The following ME3 variants were observed in gnomAD, a reference collection of about 807,000 sequenced individuals.
ME3 encodes NADP-dependent malic enzyme, mitochondrial.
In ME3, 48 loss-of-function variants were observed where a neutral mutation model predicts 68.9. The observed-to-expected ratio is 0.70, with a 90% CI of 0.55 to 0.89. ME3 has a LOEUF of 0.89. Ranked by LOEUF, ME3 falls within the 40% of genes least tolerant of loss-of-function variation. ME3 has a pLI of 0.00. For synonymous variants in ME3, 320 were observed against 318.8 expected (o/e 1.00, Z -0.04); for missense variants, 675 against 797.4 (o/e 0.85, Z 1.85).
chr11:86,559,101 T>C (rs1049046200), intron 3 of ME3, among the ~76,000 whole-genome samples: 9 of 152,202 alleles, frequency 5.9e-5, no homozygotes, highest in Non-Finnish European at 8.8e-5. Flanking sequence ...GCTGATAAAG[T>C]TGACCCTGTG....
intron 2 of ME3, among the ~76,000 whole-genome samples, chr11:86,565,075 A>G (rs1033307497): frequency 1.1e-4 from 17 of 152,220 alleles, no homozygotes; most frequent in African/African-American, 3.9e-4. Context: ...CCAATGGCCA[A>G]TAGCACATGG....
intron 4 of ME3, among the ~76,000 whole-genome samples, chr11:86,530,533 A>G (rs1955131268): frequency 6.6e-6 from 1 of 152,224 alleles, no homozygotes; most frequent in African/African-American, 2.4e-5. Context: ...AATAGCCTGC[A>G]TTGCCAAGAC....
intron 8 of ME3, among the ~76,000 whole-genome samples, chr11:86,461,771 C>T (rs990307861): frequency 2.0e-5 from 3 of 152,170 alleles, no homozygotes; most frequent in Non-Finnish European, 2.9e-5. Context: ...CTGCCCACCT[C>T]TTTATGGTTG....
At chr11:86,624,725 C>T (rs558318130) in intron 2 of ME3, among the ~76,000 whole-genome samples, 239 of 152,314 alleles carry the variant, frequency 1.6e-3, no homozygotes, top group African/African-American at 5.4e-3. Context: ...CATTCTTCGG[C>T]TTTTCTCTGT....
Position 86,637,967 on chromosome 11 carries a change from TACACACACAC to T in ME3, c.183+33785_183+33794del, listed in dbSNP as rs5793205. ...ATATATGTGCAGACATGCTCATGCA[TACACACACAC>T]ACACACACACACACACACACACACA... On this transcript the variant is annotated intron_variant, in intron 2 of 14. Transcript: ENST00000543262. Among the ~76,000 whole-genome samples, 98 of 145,160 alleles carry T rather than the reference TACACACACAC, an allele frequency of 6.8e-4. 1 individual carries two copies. The highest frequency in any genetic ancestry group is 3.9e-3 in the East Asian group (19 of 4,934).
intron 2 of ME3, among the ~76,000 whole-genome samples, chr11:86,567,600 A>T (rs1356813825): frequency 6.6e-6 from 1 of 152,204 alleles, no homozygotes; most frequent in African/African-American, 2.4e-5. Context: ...ACTTCTCTCT[A>T]CAAGGAGAAA....
chr11:86,517,078 C>G (rs1299447643), intron 4 of ME3, among the ~76,000 whole-genome samples: 2 of 149,966 alleles, frequency 1.3e-5, no homozygotes. Flanking sequence ...AGGGTTAAAA[C>G]TTCTTTCTGT....
chr11:86,520,550 C>CACAGAGTGCTAGAGAGCT (rs1232832014), intron 4 of ME3, among the ~76,000 whole-genome samples: 103 of 70,408 alleles, frequency 1.5e-3, no homozygotes, highest in Non-Finnish European at 2.2e-3. Flanking sequence ...ATGGCTAATT[C>CACAGAGTGCTAGAGAGCT]ACAGAGTGCT....
chr11:86,513,062 A>G (rs913987875), intron 4 of ME3, among the ~76,000 whole-genome samples: 1 of 152,230 alleles, frequency 6.6e-6, no homozygotes, highest in Middle Eastern at 3.2e-3. Context: ...AAGGGGTAAG[A>G]TCCATGCACT....
chr11:86,556,912 G>T (rs1358494698), intron 3 of ME3, among the ~76,000 whole-genome samples: 1 of 152,158 alleles, frequency 6.6e-6, no homozygotes, highest in African/African-American at 2.4e-5. Context: ...TGTAGATACT[G>T]TTCTAAATAT....
At chr11:86,483,679 C>T (rs1399086905) in intron 7 of ME3, among the ~76,000 whole-genome samples, 1 of 152,130 alleles carries the variant, frequency 6.6e-6, no homozygotes, top group Non-Finnish European at 1.5e-5. Flanking sequence ...ATCTAAGCAG[C>T]TTAAGAATCC....
At chr11:86,651,871 T>C (rs1462700987) in intron 2 of ME3, among the ~76,000 whole-genome samples, 1 of 152,136 alleles carries the variant, frequency 6.6e-6, no homozygotes, top group African/African-American at 2.4e-5. Context: ...AATGGCTAAC[T>C]GAATACCTAA....
intron 8 of ME3, among the ~76,000 whole-genome samples, chr11:86,461,753 G>A (rs182052596): frequency 3.9e-5 from 6 of 152,296 alleles, no homozygotes; most frequent in East Asian, 3.9e-4. Flanking sequence ...TCTGGGTGGC[G>A]CATGCTCCTG....
chr11:86,508,789 T>A lies in ME3; in HGVS notation c.543+3A>T. 1 of 1,607,600 alleles carries A rather than the reference T, an allele frequency of 6.2e-7. No homozygotes were observed. Among genetic ancestry groups the A allele is most frequent in the Non-Finnish European group, 8.5e-7 (1 of 1,174,078 alleles). ...TTAAATAGCAATGAAAACGGGATCA[T>A]ACCTTAATATTGTCTTCTGGCCAAG... On this transcript the variant is annotated splice_donor_region_variant and intron_variant, in intron 5 of 14. Transcript: ENST00000543262.
intron 2 of ME3, among the ~76,000 whole-genome samples, chr11:86,605,404 TATTGG>T (rs1404093880): frequency 5.3e-5 from 8 of 152,282 alleles, no homozygotes; most frequent in African/African-American, 2.4e-5. Context: ...TGTGACCAGG[TATTGG>T]TCCTGAAAAG....
chr11:86,613,200 G>A (rs1033954863), intron 2 of ME3, among the ~76,000 whole-genome samples: 3 of 152,034 alleles, frequency 2.0e-5, no homozygotes, highest in African/African-American at 4.8e-5. Flanking sequence ...CAGGTTTGTC[G>A]AAGATCAGAT....
At chr11:86,654,416 C>A (rs1339313626) in intron 2 of ME3, among the ~76,000 whole-genome samples, 1 of 152,158 alleles carries the variant, frequency 6.6e-6, no homozygotes, top group Non-Finnish European at 1.5e-5. Flanking sequence ...GTGGGCTTCA[C>A]CCCTGGGATG....
chr11:86,659,433 A>G (rs1004025878), intron 2 of ME3, among the ~76,000 whole-genome samples: 1 of 152,216 alleles, frequency 6.6e-6, no homozygotes, highest in Non-Finnish European at 1.5e-5. Flanking sequence ...TGGACAGGAC[A>G]TCAACCCCTC....
At chr11:86,486,077 CCCA>C (rs1366838217) in intron 7 of ME3, among the ~76,000 whole-genome samples, 1 of 152,142 alleles carries the variant, frequency 6.6e-6, no homozygotes, top group Non-Finnish European at 1.5e-5. Context: ...CCCCCTCGCT[CCCA>C]CCACCACATC....
Sources: allele counts gnomAD v4.1 joint callset (sites outside exome capture counted in the v4.1 genomes callset), GRCh38; gene constraint gnomAD v4.1.1; transcripts MANE v1.5; gene names NCBI Gene and HGNC (gene_info 2026-07-23, HGNC 2026-07-21).